The following SF3A3 variants were observed in gnomAD, a reference collection of about 807,000 sequenced individuals.
SF3A3 encodes the protein splicing factor 3a subunit 3, also known as SAP 61.
SF3A3 carries 9 observed loss-of-function variants against 85.8 expected under a neutral mutation model. The ratio of observed to expected loss-of-function variants is 0.10; its 90% CI spans 0.06 to 0.18. The LOEUF is 0.18. SF3A3 is among the 10% of genes least tolerant of loss of function. The probability of loss-of-function intolerance (pLI) is 1.00; values close to 1 mark genes in which losing one functional copy is unlikely to be tolerated. For missense variants in SF3A3, 306 were observed against 593.3 expected, an observed-to-expected ratio of 0.52 and a Z score of 5.03; for synonymous variants, 195 against 204.4, an observed-to-expected ratio of 0.95 and a Z score of 0.39.
intron 4 of SF3A3, among the ~76,000 whole-genome samples, chr1:37,985,689 C>T (rs901748260): frequency 6.6e-6 from 1 of 152,066 alleles, no homozygotes; most frequent in African/African-American, 2.4e-5. Flanking sequence ...ACCTTTTGAC[C>T]ATGGCTGGAA....
intron 15 of SF3A3, among the ~76,000 whole-genome samples, chr1:37,962,145 G>A (rs1646264783): frequency 1.3e-5 from 2 of 151,318 alleles, no homozygotes; most frequent in South Asian, 4.2e-4. Flanking sequence ...AAGTCTTCAA[G>A]CCCAGGTAAT....
chr1:37,976,846 T>C (rs1185678779), intron 12 of SF3A3, 38 bp downstream of exon 12: 2 of 1,293,258 alleles, frequency 1.5e-6, no homozygotes, highest in Non-Finnish European at 1.1e-6. Flanking sequence ...ACTCCTGTGC[T>C]TTATACCATT....
intron 16 of SF3A3, 53 bp from the exon 17 acceptor site, chr1:37,958,316 G>A: frequency 7.9e-7 from 1 of 1,269,968 alleles, no homozygotes; most frequent in Non-Finnish European, 1.2e-6. Context: ...AGAAATGTTT[G>A]GAACCAATCT....
intron 7 of SF3A3, 129 bp from the exon 8 acceptor site, chr1:37,980,853 T>C (rs949308087): frequency 1.2e-5 from 9 of 729,752 alleles, no homozygotes; most frequent in African/African-American, 2.0e-5. Context: ...TTTTTTTTTT[T>C]TTTTTTTTTT....
Position 37,987,597 on chromosome 1 carries a change from T to C in SF3A3, c.279A>G (p.Glu93=). ...EFYNRLKQIK[E]FHRKHPNEIC... ...CCTCATTTGGGTGCTTCCGGTGGAA[T>C]TCCTTTATTTGCTTGAGTCTATTAT... The change falls in exon 4 of 17, where the codon GAA becomes GAG. Residue 93 remains glutamate, a synonymous_variant. Transcript: ENST00000373019. The C allele has an allele frequency of 6.2e-7, 1 of 1,613,886 alleles. No individual in the cohort carries two copies. Among genetic ancestry groups the C allele is most frequent in the South Asian group, 1.1e-5 (1 of 91,088 alleles).
chr1:37,964,765 G>A (rs1646287088), intron 15 of SF3A3, among the ~76,000 whole-genome samples: 1 of 151,986 alleles, frequency 6.6e-6, no homozygotes, highest in Non-Finnish European at 1.5e-5. Context: ...TCCCTGATAT[G>A]CACTCCACTT....
In SF3A3 at chr1:37,970,247, G is replaced by C. The variant is rs1646328792; in HGVS notation, c.1006-512C>G. Among the ~76,000 whole-genome samples, 5 of 150,674 alleles carry C rather than the reference G, an allele frequency of 3.3e-5. No individual in the cohort carries two copies. In the Admixed American group the frequency reaches 3.3e-4, roughly 10 times the overall value. On this transcript the variant is annotated intron_variant, in intron 12 of 16. Coordinates refer to ENST00000373019, the MANE Select transcript of SF3A3 (RefSeq NM_006802.4). ...TTGAGCCCAGGAGTTTGAGGATGCA[G>C]TGAGCTCTGATCCCGCCACTGCACT...
intron 4 of SF3A3, among the ~76,000 whole-genome samples, chr1:37,985,518 G>T (rs888740908): frequency 6.6e-6 from 1 of 152,186 alleles, no homozygotes; most frequent in African/African-American, 2.4e-5. Context: ...ACAAAGTTTG[G>T]AAAACAGTGC....
chr1:37,989,517 C>T lies in SF3A3; in HGVS notation c.144+31G>A, dbSNP rs774058644. Reference sequence around the variant, plus strand: ...CCCTCTCTTTTCCCGCCCTCGCCAACCCAAAGAGAGGCAGACAGCTGGGCA... The same window carrying T: ...CCCTCTCTTTTCCCGCCCTCGCCAATCCAAAGAGAGGCAGACAGCTGGGCA... On this transcript the variant is annotated intron_variant, in intron 2 of 16. Coordinates refer to ENST00000373019, the MANE Select transcript of SF3A3 (RefSeq NM_006802.4). 26 of 1,609,312 alleles carry T rather than the reference C, an allele frequency of 1.6e-5. 1 individual carries two copies. The South Asian group carries it at 2.8e-4, about 17-fold the overall frequency.
intron 12 of SF3A3, among the ~76,000 whole-genome samples, 172 bp downstream of exon 12, chr1:37,976,712 G>C (rs1474072412): frequency 6.6e-6 from 1 of 152,098 alleles, no homozygotes; most frequent in Non-Finnish European, 1.5e-5. Flanking sequence ...TCTAACAACA[G>C]AATAGGAACT....
At chr1:37,958,898 G>C (rs766434770) in intron 16 of SF3A3, among the ~76,000 whole-genome samples, 8 of 152,024 alleles carry the variant, frequency 5.3e-5, no homozygotes, top group Non-Finnish European at 7.3e-5. Flanking sequence ...CCTGCTGCTT[G>C]GGATGACCAT....
chr1:37,959,104 G>A (rs28410838), intron 16 of SF3A3, among the ~76,000 whole-genome samples: 136,549 of 150,328 alleles, frequency 0.91, 62,139 homozygotes, highest in East Asian at 1. Context: ...TGTGAGGTAA[G>A]TTCTTGCTCT....
chr1:37,975,252 C>T (rs1342919967), intron 12 of SF3A3, among the ~76,000 whole-genome samples: 3 of 152,006 alleles, frequency 2.0e-5, no homozygotes, highest in East Asian at 1.9e-4. Context: ...ATGGAGAGGC[C>T]GTCGAGTGGC....
intron 8 of SF3A3, 43 bp from the exon 9 acceptor site, chr1:37,979,576 C>G (rs748514484): frequency 1.3e-6 from 2 of 1,526,762 alleles, no homozygotes; most frequent in East Asian, 4.6e-5. Flanking sequence ...CAGGTTTAGG[C>G]CAGGTGTGGT....
chr1:37,979,430 CAGAG>C lies in SF3A3; in HGVS notation c.759+31_759+34del, dbSNP rs754769813. On this transcript the variant is annotated intron_variant, in intron 9 of 16. Coordinates refer to ENST00000373019, the MANE Select transcript of SF3A3 (RefSeq NM_006802.4). ...CAGTCTTTAAAGACAGAAAAATAGACAGAGAGAACACTACTACTGCTGAAGGAAA... is the reference window on the plus strand; with the variant it reads ...CAGTCTTTAAAGACAGAAAAATAGACAGAACACTACTACTGCTGAAGGAAA... 1.2e-5 allele frequency: 18 copies of C among 1,507,278 alleles called. No individual in the cohort carries two copies. The South Asian group carries it at 1.5e-4, about 12-fold the overall frequency. 93.4% of individuals were successfully genotyped at this position (1,507,278 alleles called of 1,614,324 possible).
At chr1:37,982,939 A>ATT (rs1557754718) in intron 6 of SF3A3, among the ~76,000 whole-genome samples, 2 of 148,284 alleles carry the variant, frequency 1.3e-5, no homozygotes, top group South Asian at 4.3e-4. Context: ...TACAAAAAAA[A>ATT]ATTTTTTTTT....
At chr1:37,975,326 G>A (rs528013201) in intron 12 of SF3A3, among the ~76,000 whole-genome samples, 9 of 152,136 alleles carry the variant, frequency 5.9e-5, no homozygotes, top group African/African-American at 2.2e-4. Flanking sequence ...GACCAGCCTG[G>A]CCAACAAGAC....
rs10559284 is a variant in SF3A3 at position 37,962,285 on chromosome 1, C to CAA, written c.1373-2112_1373-2111dup. Among the ~76,000 whole-genome samples, 11 of 26,538 alleles carry CAA rather than the reference C, an allele frequency of 4.1e-4. 3 individuals carry two copies. Among genetic ancestry groups the CAA allele is most frequent in the South Asian group, 5.6e-3 (2 of 356 alleles). 17.4% of individuals were successfully genotyped at this position (26,538 alleles called of 152,430 possible). On this transcript the variant is annotated intron_variant, in intron 15 of 16. Transcript: ENST00000373019. ...AGCCTGGGTGACAGAGCGAGACTGT[C>CAA]AAAAAAAAAAAAAAAAAAAAAAAAA...
intron 2 of SF3A3, among the ~76,000 whole-genome samples, chr1:37,988,771 G>T (rs1196267427): frequency 6.6e-6 from 1 of 151,912 alleles, no homozygotes; most frequent in Admixed American, 6.6e-5. Context: ...TTAATAAACT[G>T]AACTATTACC....
Sources: gnomAD v4.1 joint callset for allele counts (sites outside exome capture counted in the v4.1 genomes callset) on GRCh38, gnomAD v4.1.1 for gene constraint, MANE v1.5 for transcripts, NCBI Gene and HGNC (gene_info 2026-07-23, HGNC 2026-07-21) for gene names.